Variants in KCNC2 observed in about 807,000 individuals in gnomAD.
The protein encoded by KCNC2 is voltage-gated potassium channel KCNC2.
A neutral mutation model predicts 44.5 loss-of-function variants in KCNC2; 21 were observed. That is an observed-to-expected ratio of 0.47 (90% CI 0.33 to 0.68). KCNC2 has a LOEUF of 0.68. Ranked by LOEUF, KCNC2 falls within the 30% of genes least tolerant of loss-of-function variation. KCNC2 has a pLI of 0.01. For synonymous variants in KCNC2, 391 were observed against 339.1 expected, an observed-to-expected ratio of 1.15 and a Z score of -1.68; for missense variants, 589 against 826.2, an observed-to-expected ratio of 0.71 and a Z score of 3.52.
At chr12:75,171,800 G>C (rs920597595) in intron 2 of KCNC2, among the ~76,000 whole-genome samples, 1 of 151,822 alleles carries the variant, frequency 6.6e-6, no homozygotes, top group Non-Finnish European at 1.5e-5. Context: ...ATAAATACTT[G>C]AGTGTTGGAT....
intron 2 of KCNC2, among the ~76,000 whole-genome samples, chr12:75,105,772 A>G (rs1886733012): frequency 6.6e-6 from 1 of 152,130 alleles, no homozygotes; most frequent in Non-Finnish European, 1.5e-5. Context: ...TTTAGAAATT[A>G]CCATGATTTC....
intron 2 of KCNC2, among the ~76,000 whole-genome samples, chr12:75,202,758 T>A (rs1166163388): frequency 1.3e-5 from 2 of 150,854 alleles, no homozygotes; most frequent in Non-Finnish European, 3.0e-5. Flanking sequence ...CTAAAAGGAA[T>A]ATTTTACTGC....
At chr12:75,154,458 C>A (rs1200305086) in intron 2 of KCNC2, among the ~76,000 whole-genome samples, 2 of 151,980 alleles carry the variant, frequency 1.3e-5, no homozygotes, top group Non-Finnish European at 2.9e-5. Flanking sequence ...AGCCTGATGG[C>A]CTCATGGAGG....
In KCNC2 at chr12:75,194,363, A is replaced by C. The variant is rs544987496; in HGVS notation, c.687+12934T>G. Reference sequence around the variant, plus strand: ...GCATCTACAGCCAAGAAACACAAAGAAACTCCAAGAATTGCAACCACCAGA... The same window carrying C: ...GCATCTACAGCCAAGAAACACAAAGCAACTCCAAGAATTGCAACCACCAGA... On this transcript the variant is annotated intron_variant, in intron 2 of 4. Coordinates refer to ENST00000549446, the MANE Select transcript of KCNC2 (RefSeq NM_139137.4). Among the ~76,000 whole-genome samples, 18 of 152,268 alleles carry C rather than the reference A, an allele frequency of 1.2e-4. No individual in the cohort carries two copies. The South Asian group carries it at 3.7e-3, about 32-fold the overall frequency.
Position 75,181,916 on chromosome 12 carries a change from C to CTTTTTTTTTTT in KCNC2, c.687+25370_687+25380dup, listed in dbSNP as rs61089425. On this transcript the variant is annotated intron_variant, in intron 2 of 4. Coordinates refer to ENST00000549446, the MANE Select transcript of KCNC2 (RefSeq NM_139137.4). ...AAACATTATTACTATTAATATCTTC[C>CTTTTTTTTTTT]TTTTTTTTTTTTTTTTTTTTTTTTT... Among the ~76,000 whole-genome samples, 142 of 47,874 alleles carry CTTTTTTTTTTT rather than the reference C, an allele frequency of 3.0e-3. 43 individuals carry two copies. Among genetic ancestry groups the CTTTTTTTTTTT allele is most frequent in the East Asian group, 0.019 (19 of 1,014 alleles). 31.4% of individuals were successfully genotyped at this position (47,874 alleles called of 152,430 possible). A position where few individuals can be genotyped will look rare whatever the true frequency, so the allele number is the denominator to read the frequency against.
intron 3 of KCNC2, among the ~76,000 whole-genome samples, chr12:75,049,655 T>C (rs1265829725): frequency 6.6e-6 from 1 of 152,074 alleles, no homozygotes. Flanking sequence ...CAACACATTG[T>C]ACCTAAAAAG....
In KCNC2 at chr12:75,040,988, C is replaced by G. The variant is rs1879830834; in HGVS notation, c.*2117G>C. On this transcript the variant is annotated 3_prime_UTR_variant, in exon 5 of 5. Transcript: ENST00000549446. ...TCATGGACACTGGCCAGTCTACAAG[C>G]AGAGCACTCTCATGGGGAGCACCAG... The G allele has an allele frequency of 1.3e-6, 1 of 768,078 alleles. No individual in the cohort carries two copies. The highest frequency in any genetic ancestry group is 1.7e-5 in the African/African-American group (1 of 58,562). The allele number at this position is 768,078 out of a possible 1,614,324, so 47.6% of individuals were successfully genotyped here.
intron 3 of KCNC2, among the ~76,000 whole-genome samples, chr12:75,049,289 G>C (rs1880909263): frequency 6.6e-6 from 1 of 151,872 alleles, no homozygotes; most frequent in South Asian, 2.1e-4. Flanking sequence ...CTCCTTTTTT[G>C]TTAGTTTGCT....
chr12:75,203,724 T>A (rs1254144593), intron 2 of KCNC2, among the ~76,000 whole-genome samples: 1 of 151,906 alleles, frequency 6.6e-6, no homozygotes, highest in Non-Finnish European at 1.5e-5. Context: ...CTGAATTCAA[T>A]CATCTCCCCT....
intron 2 of KCNC2, among the ~76,000 whole-genome samples, chr12:75,145,201 T>C (rs965503107): frequency 2.6e-5 from 4 of 151,692 alleles, no homozygotes; most frequent in Admixed American, 6.6e-5. Context: ...AGTAAAAACT[T>C]TGGATCCTCT....
At chr12:75,198,828 C>A (rs536252342) in intron 2 of KCNC2, among the ~76,000 whole-genome samples, 253 of 151,724 alleles carry the variant, frequency 1.7e-3, no homozygotes, top group African/African-American at 5.8e-3. Context: ...TAATGTCTGG[C>A]CTTCTCATGG....
chr12:75,094,269 A>G (rs949531544), intron 2 of KCNC2, among the ~76,000 whole-genome samples: 7 of 151,716 alleles, frequency 4.6e-5, no homozygotes, highest in Non-Finnish European at 8.9e-5. Flanking sequence ...CCCATACACT[A>G]ACATCAAGTA....
At position 75,173,180 on chromosome 12, in the gene KCNC2, A is replaced by G. The variant is rs181959619; in HGVS notation, c.687+34117T>C. Among the ~76,000 whole-genome samples the G allele has an allele frequency of 2.6e-5, 4 of 152,012 alleles. No individual in the cohort carries two copies. The East Asian group carries it at 7.8e-4, about 30-fold the overall frequency. ...ACGTCTTCTCCCTTTCACTATATCA[A>G]TAGAAAAAATTCAGAAGTCAAACTA... On this transcript the variant is annotated intron_variant, in intron 2 of 4. Coordinates refer to ENST00000549446, the MANE Select transcript of KCNC2 (RefSeq NM_139137.4).
At chr12:75,195,682 A>C (rs891895989) in intron 2 of KCNC2, among the ~76,000 whole-genome samples, 9 of 152,144 alleles carry the variant, frequency 5.9e-5, no homozygotes, top group African/African-American at 2.2e-4. Context: ...TCAATAACAC[A>C]CTAAACTGTG....
intron 2 of KCNC2, among the ~76,000 whole-genome samples, chr12:75,178,595 A>G (rs1379838077): frequency 1.3e-5 from 2 of 152,080 alleles, no homozygotes; most frequent in African/African-American, 4.8e-5. Flanking sequence ...TAGCTTACCA[A>G]CTGTGTAAAC....
rs80146765 is a variant in KCNC2, at chr12:75,156,867, G to A, written c.687+50430C>T. The stretch of plus-strand genomic sequence containing the variant: ...TAATATCACACCTAAATAATTCATC[G>A]TAGTATCATTTTCCTGTAAAGAAGC... On this transcript the variant is annotated intron_variant, in intron 2 of 4. Transcript: ENST00000549446. Among the ~76,000 whole-genome samples, 1,129 of 151,780 alleles carry A rather than the reference G, an allele frequency of 7.4e-3. 12 individuals carry two copies. Among genetic ancestry groups the A allele is most frequent in the African/African-American group, 0.026 (1,069 of 41,448 alleles).
At chr12:75,176,660 T>A (rs1892205553) in intron 2 of KCNC2, among the ~76,000 whole-genome samples, 1 of 151,910 alleles carries the variant, frequency 6.6e-6, no homozygotes, top group Non-Finnish European at 1.5e-5. Flanking sequence ...TTTCTCTCCT[T>A]CAGTTAATAA....
intron 2 of KCNC2, among the ~76,000 whole-genome samples, chr12:75,133,798 A>G (rs1265301350): frequency 6.6e-6 from 1 of 152,064 alleles, no homozygotes; most frequent in East Asian, 1.9e-4. Flanking sequence ...TTCATTTAGT[A>G]TCTTATAGAA....
intron 2 of KCNC2, among the ~76,000 whole-genome samples, chr12:75,153,180 T>G (rs1890525392): frequency 6.6e-6 from 1 of 151,962 alleles, no homozygotes; most frequent in Admixed American, 6.6e-5. Flanking sequence ...TGGCTACATG[T>G]GATTGGGAAG....
Sources: gnomAD v4.1 joint callset for allele counts (sites outside exome capture counted in the v4.1 genomes callset) on GRCh38, gnomAD v4.1.1 for gene constraint, MANE v1.5 for transcripts, NCBI Gene and HGNC (gene_info 2026-07-23, HGNC 2026-07-21) for gene names.